Variants in TNFRSF10D observed in about 807,000 individuals in gnomAD.
TNFRSF10D encodes the protein TNF receptor superfamily member 10d.
TNFRSF10D carries 28 observed loss-of-function variants against 42.1 expected under a neutral mutation model. The observed-to-expected ratio is 0.66, with a 90% CI of 0.49 to 0.91. The LOEUF (loss-of-function observed/expected upper bound fraction) is 0.91. Among genes scored for constraint, TNFRSF10D ranks in the 40% least tolerant of loss-of-function variants. TNFRSF10D has a pLI of 0.00. For missense variants in TNFRSF10D, 503 were observed against 486.1 expected, an observed-to-expected ratio of 1.03 and a Z score of -0.33; for synonymous variants, 186 against 189.4, an observed-to-expected ratio of 0.98 and a Z score of 0.15.
At chr8:23,152,529 T>C (rs1333659319) in intron 2 of TNFRSF10D, among the ~76,000 whole-genome samples, 2 of 152,182 alleles carry the variant, frequency 1.3e-5, no homozygotes, top group African/African-American at 4.8e-5. Context: ...TGAACAAATG[T>C]GCTAGATCAA....
chr8:23,162,189 G>C (rs4872064), intron 1 of TNFRSF10D, among the ~76,000 whole-genome samples: 25,875 of 152,174 alleles, frequency 0.17, 2,887 homozygotes, highest in East Asian at 0.58. Context: ...GCATTGAAAT[G>C]CATTTAATAA....
chr8:23,150,136 C>G (rs1420704231), intron 2 of TNFRSF10D, among the ~76,000 whole-genome samples: 1 of 152,182 alleles, frequency 6.6e-6, no homozygotes, highest in Non-Finnish European at 1.5e-5. Flanking sequence ...GATCCTGACC[C>G]ACCTCCATAG....
At chr8:23,155,448 G>C (rs575305788) in intron 1 of TNFRSF10D, among the ~76,000 whole-genome samples, 1 of 151,958 alleles carries the variant, frequency 6.6e-6, no homozygotes, top group Non-Finnish European at 1.5e-5. Context: ...GGCCAGGCGC[G>C]GTGGCTCAGG....
chr8:23,149,684 C>G (rs987083220), intron 2 of TNFRSF10D, among the ~76,000 whole-genome samples: 3 of 152,032 alleles, frequency 2.0e-5, no homozygotes, highest in African/African-American at 7.3e-5. Context: ...CGGTATCCCC[C>G]AGCGCCTGCA....
At chr8:23,160,295 G>A (rs1800347397) in intron 1 of TNFRSF10D, among the ~76,000 whole-genome samples, 1 of 152,206 alleles carries the variant, frequency 6.6e-6, no homozygotes, top group African/African-American at 2.4e-5. Flanking sequence ...TGAGCGCAGT[G>A]GCGGCCTCAG....
rs1365563096 is a variant in TNFRSF10D, at chr8:23,136,036, A to G, written c.*1834T>C. 1,695 of 404,214 alleles carry G rather than the reference A, an allele frequency of 4.2e-3. No individual in the cohort carries two copies. Among genetic ancestry groups the G allele is most frequent in the African/African-American group, 0.02 (967 of 48,764 alleles). The allele number at this position is 404,214 out of a possible 1,614,324, so 25.0% of individuals were successfully genotyped here. ...CCTCCTAAAACTCCATGGACACAAC[A>G]ATCTGAATGTGCGAACTTCAGGCAG... is the stretch of plus-strand genomic sequence containing the variant. On this transcript the variant is annotated 3_prime_UTR_variant, in exon 9 of 9. Transcript: ENST00000312584.
rs1424955251 is a variant in TNFRSF10D, at chr8:23,136,581, A to G, written c.*1289T>C. On this transcript the variant is annotated 3_prime_UTR_variant, in exon 9 of 9. Transcript: ENST00000312584. ...GCCCTGAGCCCAAATGAGGCTCAAG[A>G]TTCACTAACGTTCAACTGTAATGGC... The G allele has an allele frequency of 1.3e-5, 2 of 154,004 alleles. No homozygotes were observed. Among genetic ancestry groups the G allele is most frequent in the Admixed American group, 6.5e-5 (1 of 15,326 alleles). 9.5% of individuals were successfully genotyped at this position (154,004 alleles called of 1,614,324 possible). A position where few individuals can be genotyped will look rare whatever the true frequency, so the allele number is the denominator to read the frequency against.
Position 23,138,178 on chromosome 8 carries a change from A to T in TNFRSF10D, c.1027+10T>A. 6.2e-7 allele frequency: 1 copy of T among 1,614,222 alleles called. No individual in the cohort carries two copies. The highest frequency in any genetic ancestry group is 1.1e-5 in the South Asian group (1 of 91,088). ...TCCTCCTGCTGCGTCTCAAGGCACAAAACACTTACTGTCAGCGGAGTCAGC... is the reference window on the plus strand; with the variant it reads ...TCCTCCTGCTGCGTCTCAAGGCACATAACACTTACTGTCAGCGGAGTCAGC... On this transcript the variant is annotated intron_variant, in intron 8 of 8. Transcript: ENST00000312584.
chr8:23,143,077 C>T (rs1017725606), intron 7 of TNFRSF10D, among the ~76,000 whole-genome samples: 9 of 151,774 alleles, frequency 5.9e-5, no homozygotes, highest in East Asian at 1.9e-4. Context: ...CACGGGTTCA[C>T]GCCATTCTCC....
chr8:23,138,299 G>C, intron 7 of TNFRSF10D, 39 bp from the exon 8 acceptor site: 1 of 1,611,856 alleles, frequency 6.2e-7, no homozygotes, highest in Non-Finnish European at 8.5e-7. Flanking sequence ...TCAGAGTCAG[G>C]AGTCCTGCAG....
At chr8:23,149,189 C>CAAAAAAA (rs370400558) in intron 2 of TNFRSF10D, among the ~76,000 whole-genome samples, 1 of 85,652 alleles carries the variant, frequency 1.2e-5, no homozygotes, top group Non-Finnish European at 2.2e-5. Flanking sequence ...GACTCTGTCT[C>CAAAAAAA]AAAAAAAAAA....
chr8:23,160,298 G>A (rs932304182), intron 1 of TNFRSF10D, among the ~76,000 whole-genome samples: 2 of 152,122 alleles, frequency 1.3e-5, no homozygotes, highest in Admixed American at 6.5e-5. Context: ...GCGCAGTGGC[G>A]GCCTCAGCTT....
chr8:23,144,702 G>T, intron 6 of TNFRSF10D, 67 bp from the exon 7 acceptor site: 1 of 1,544,476 alleles, frequency 6.5e-7, no homozygotes, highest in Non-Finnish European at 8.8e-7. Context: ...CCAGTACACA[G>T]CTGGACCTGC....
chr8:23,163,962 C>G lies in TNFRSF10D; in HGVS notation c.-27G>C, dbSNP rs1351765668. On this transcript the variant is annotated 5_prime_UTR_variant, in exon 1 of 9. Coordinates refer to ENST00000312584, the MANE Select transcript of TNFRSF10D (RefSeq NM_003840.5). ...AGAAGGGAGGAGGGTGGATCGAAAG[C>G]GCCAAAAATCAATCAGAAATCGTCC... The G allele has an allele frequency of 4.8e-4, 734 of 1,527,760 alleles. No homozygotes were observed. In the African/African-American group the frequency reaches 8.8e-3, roughly 18 times the overall value. The allele number at this position is 1,527,760 out of a possible 1,614,324, so 94.6% of individuals were successfully genotyped here. A position where few individuals can be genotyped will look rare whatever the true frequency, so the allele number is the denominator to read the frequency against.
chr8:23,152,004 C>T (rs930507700), intron 2 of TNFRSF10D, among the ~76,000 whole-genome samples: 1 of 152,200 alleles, frequency 6.6e-6, no homozygotes, highest in African/African-American at 2.4e-5. Flanking sequence ...ATTGGGTGTT[C>T]ATCTTGTACA....
At position 23,145,043 on chromosome 8, in the gene TNFRSF10D, G is replaced by C. The variant is rs778378817; in HGVS notation, c.768+15C>G. ...GAACCCACGAAGCCCCCAGTTTCTGGAGAAACCAACTCACTCTGTGCACAC... is the reference window on the plus strand; with the variant it reads ...GAACCCACGAAGCCCCCAGTTTCTGCAGAAACCAACTCACTCTGTGCACAC... On this transcript the variant is annotated intron_variant, in intron 6 of 8. Transcript: ENST00000312584. 4 of 1,614,140 alleles carry C rather than the reference G, an allele frequency of 2.5e-6. No homozygotes were observed. Among genetic ancestry groups the C allele is most frequent in the Non-Finnish European group, 3.4e-6 (4 of 1,180,016 alleles).
At chr8:23,154,794 C>A in intron 2 of TNFRSF10D, 80 bp downstream of exon 2, 1 of 1,390,772 alleles carries the variant, frequency 7.2e-7, no homozygotes, top group Non-Finnish European at 1.0e-6. Flanking sequence ...TATTTCCAAA[C>A]ATCATGGTGT....
chr8:23,145,811 G>C lies in TNFRSF10D; in HGVS notation c.593C>G (p.Thr198Arg). 1.2e-6 allele frequency: 2 copies of C among 1,614,168 alleles called. No homozygotes were observed. Among genetic ancestry groups the C allele is most frequent in the Non-Finnish European group, 1.7e-6 (2 of 1,180,016 alleles). The stretch of plus-strand genomic sequence containing the variant: ...AAGCATCCCCAGGATGGTGGTCACT[G>C]TCTCCTCCGCTGCTGGGGTTTTCCC... Reference protein sequence around the residue: ...STGKTPAAEETVTTILGMLAS... With the variant: ...STGKTPAAEERVTTILGMLAS... Residue 198 changes from threonine (T) to arginine (R), a missense_variant, in exon 5 of 9, where the codon ACA becomes AGA. Physicochemically the swap from Thr to Arg is moderately conservative, Grantham distance 71. Transcript: ENST00000312584.
intron 1 of TNFRSF10D, among the ~76,000 whole-genome samples, chr8:23,157,910 A>G (rs1283838225): frequency 3.9e-5 from 6 of 152,306 alleles, no homozygotes; most frequent in African/African-American, 7.2e-5. Context: ...TCTCTAAAGT[A>G]AGAACTGGTT....
Sources: allele counts gnomAD v4.1 joint callset (sites outside exome capture counted in the v4.1 genomes callset), GRCh38; gene constraint gnomAD v4.1.1; transcripts MANE v1.5; gene names NCBI Gene and HGNC (gene_info 2026-07-23, HGNC 2026-07-21).